AUTS2: variants seen among roughly 807,000 people sequenced by gnomAD.
The protein encoded by AUTS2 is autism susceptibility gene 2 protein.
Under a neutral mutation model 112.4 loss-of-function variants are expected in AUTS2, and 17 were observed. That is an observed-to-expected ratio of 0.15 (90% CI 0.10 to 0.23). The LOEUF (loss-of-function observed/expected upper bound fraction) is 0.23, where lower values mean the gene tolerates loss of function less well. Ranked by LOEUF, AUTS2 falls within the 10% of genes least tolerant of loss-of-function variation. The pLI, the probability that AUTS2 is intolerant of heterozygous loss-of-function variation, is 1.00. For missense variants in AUTS2, 1,510 were observed against 1,701.6 expected (o/e 0.89, Z 1.98); for synonymous variants, 751 against 702.7 (o/e 1.07, Z -1.09).
At chr7:70,004,356 T>TA (rs1432542256) in intron 2 of AUTS2, among the ~76,000 whole-genome samples, 6 of 134,678 alleles carry the variant, frequency 4.5e-5, no homozygotes, top group African/African-American at 1.4e-4. Context: ...CATATATATA[T>TA]TATGTATGAA....
intron 1 of AUTS2, among the ~76,000 whole-genome samples, chr7:69,655,045 C>T (rs1795460633): frequency 6.6e-6 from 1 of 152,182 alleles, no homozygotes; most frequent in African/African-American, 2.4e-5. Context: ...TGTCGCCCAG[C>T]AGCCCCATAA....
chr7:70,519,192 G>A (rs1053826548), intron 5 of AUTS2, among the ~76,000 whole-genome samples: 4 of 152,108 alleles, frequency 2.6e-5, no homozygotes, highest in Non-Finnish European at 4.4e-5. Flanking sequence ...GCATCAACAC[G>A]GTCATAGAGA....
At chr7:70,451,169 G>A (rs574700463) in intron 5 of AUTS2, among the ~76,000 whole-genome samples, 25 of 152,208 alleles carry the variant, frequency 1.6e-4, no homozygotes, top group African/African-American at 5.8e-4. Context: ...ATAAATATAC[G>A]TGGTGATGAT....
chr7:70,004,307 CTATATA>C (rs202044644), intron 2 of AUTS2, among the ~76,000 whole-genome samples: 163 of 121,982 alleles, frequency 1.3e-3, no homozygotes, highest in African/African-American at 4.9e-3. Context: ...TTATATGTGA[CTATATA>C]TTATATATAT....
chr7:70,048,514 G>T (rs563502734), intron 2 of AUTS2, among the ~76,000 whole-genome samples: 2 of 152,208 alleles, frequency 1.3e-5, no homozygotes, highest in East Asian at 3.9e-4. Context: ...AAAGGAAAGA[G>T]AAGTAACTTT....
chr7:69,627,174 A>G (rs1009301043), intron 1 of AUTS2, among the ~76,000 whole-genome samples: 4 of 152,176 alleles, frequency 2.6e-5, no homozygotes, highest in Non-Finnish European at 5.9e-5. Flanking sequence ...CCAAAGACAC[A>G]TGGGTTAGCA....
chr7:70,025,777 C>CTTTTTTTTTTT (rs34107096), intron 2 of AUTS2, among the ~76,000 whole-genome samples: 1 of 126,628 alleles, frequency 7.9e-6, no homozygotes, highest in Non-Finnish European at 1.7e-5. Flanking sequence ...TTTTACTAAG[C>CTTTTTTTTTTT]TTTTTTTTTT....
At chr7:70,298,461 C>T (rs192532921) in intron 4 of AUTS2, among the ~76,000 whole-genome samples, 6 of 152,280 alleles carry the variant, frequency 3.9e-5, no homozygotes, top group Non-Finnish European at 8.8e-5. Context: ...TTAACCCTGT[C>T]CAAAAGCAGC....
At chr7:70,505,775 AG>A (rs1798935695) in intron 5 of AUTS2, among the ~76,000 whole-genome samples, 1 of 152,004 alleles carries the variant, frequency 6.6e-6, no homozygotes, top group Non-Finnish European at 1.5e-5. Flanking sequence ...TGCTAACCAG[AG>A]GGTTTGGGGG....
At chr7:70,283,241 G>A (rs190043113) in intron 4 of AUTS2, among the ~76,000 whole-genome samples, 12 of 152,244 alleles carry the variant, frequency 7.9e-5, no homozygotes, top group East Asian at 1.9e-4. Flanking sequence ...GTTTTCTTTC[G>A]TTTATGTTTT....
At chr7:69,729,430 C>T (rs1049458541) in intron 1 of AUTS2, among the ~76,000 whole-genome samples, 1 of 143,978 alleles carries the variant, frequency 6.9e-6, no homozygotes, top group African/African-American at 2.7e-5. Flanking sequence ...CCCCCCCCCC[C>T]ATTTTTATAC....
chr7:69,794,316 G>T (rs919964715), intron 1 of AUTS2, among the ~76,000 whole-genome samples: 2 of 152,090 alleles, frequency 1.3e-5, no homozygotes, highest in African/African-American at 4.8e-5. Context: ...GGTAATTTAG[G>T]GTCAGAATGG....
At position 70,791,126 on chromosome 7, in the gene AUTS2, A is replaced by AT; in HGVS notation, c.*131dup. On this transcript the variant is annotated 3_prime_UTR_variant, in exon 19 of 19. Coordinates refer to ENST00000342771, the MANE Select transcript of AUTS2 (RefSeq NM_015570.4). The stretch of plus-strand genomic sequence containing the variant: ...GCCCCACCCCTTCCCCTTGTAAAAA[A>AT]TGTATAGACTCAGTGCACATTTTGA... 1 of 919,810 alleles carries AT rather than the reference A, an allele frequency of 1.1e-6. No individual in the cohort carries two copies. The highest frequency in any genetic ancestry group is 1.5e-6 in the Non-Finnish European group (1 of 683,380). 57.0% of individuals were successfully genotyped at this position (919,810 alleles called of 1,614,324 possible).
intron 5 of AUTS2, among the ~76,000 whole-genome samples, chr7:70,524,274 C>T (rs3113266): frequency 0.09 from 13,692 of 152,204 alleles, 978 homozygotes; most frequent in African/African-American, 0.18. Flanking sequence ...AGTATTTCCT[C>T]AAAGCCTGGG....
At chr7:69,773,344 CACAAT>C (rs1188856852) in intron 1 of AUTS2, among the ~76,000 whole-genome samples, 2 of 150,676 alleles carry the variant, frequency 1.3e-5, no homozygotes, top group Non-Finnish European at 2.9e-5. Flanking sequence ...CGTGGCGAAA[CACAAT>C]ACATGTATCT....
intron 2 of AUTS2, among the ~76,000 whole-genome samples, chr7:69,980,096 T>A (rs1206476760): frequency 6.6e-6 from 1 of 152,124 alleles, no homozygotes; most frequent in Non-Finnish European, 1.5e-5. Context: ...TACCATTTTT[T>A]GTTTTGTGTT....
At chr7:70,642,921 C>T (rs1028418131) in intron 5 of AUTS2, among the ~76,000 whole-genome samples, 6 of 152,270 alleles carry the variant, frequency 3.9e-5, no homozygotes, top group African/African-American at 1.4e-4. Flanking sequence ...ATAGAAGCTT[C>T]AGTCATTTCC....
chr7:70,456,564 G>A (rs2131139104), intron 5 of AUTS2, among the ~76,000 whole-genome samples: 1 of 152,378 alleles, frequency 6.6e-6, no homozygotes, highest in South Asian at 2.1e-4. Flanking sequence ...GAAGCCACTA[G>A]CAGGGCTGCA....
rs897987337 is a variant in AUTS2, at chr7:69,977,042, A to G, written c.522+77544A>G. On this transcript the variant is annotated intron_variant, in intron 2 of 18. Transcript: ENST00000342771. ...TCCAATGTCATGAAGCTTTTCCTCA[A>G]TGTTTTCTTCTAGCAGTTTTGTGAT... Among the ~76,000 whole-genome samples, 8 of 152,024 alleles carry G rather than the reference A, an allele frequency of 5.3e-5. No individual in the cohort carries two copies. The East Asian group carries it at 5.8e-4, about 11-fold the overall frequency.
Sources: allele counts gnomAD v4.1 joint callset (sites outside exome capture counted in the v4.1 genomes callset), GRCh38; gene constraint gnomAD v4.1.1; transcripts MANE v1.5; gene names NCBI Gene and HGNC (gene_info 2026-07-23, HGNC 2026-07-21).